Variants in MDGA2 observed in about 807,000 individuals in gnomAD.
MDGA2 encodes MAM domain-containing glycosylphosphatidylinositol anchor protein 2.
In MDGA2, 40 loss-of-function variants were observed where a neutral mutation model predicts 117.8. The ratio of observed to expected loss-of-function variants is 0.34; its 90% CI spans 0.26 to 0.44. MDGA2 has a LOEUF of 0.44. Ranked by LOEUF, MDGA2 falls within the 20% of genes least tolerant of loss-of-function variation. The probability of loss-of-function intolerance (pLI) is 1.00; values close to 1 mark genes in which losing one functional copy is unlikely to be tolerated. For synonymous variants in MDGA2, 452 were observed against 439.0 expected, an observed-to-expected ratio of 1.03 and a Z score of -0.37; for missense variants, 1,123 against 1,250.6, an observed-to-expected ratio of 0.90 and a Z score of 1.54.
chr14:47,511,393 C>T (rs913638850), intron 1 of MDGA2, among the ~76,000 whole-genome samples: 1 of 152,062 alleles, frequency 6.6e-6, no homozygotes. Flanking sequence ...GATGTGGAAA[C>T]AGCTAACACA....
chr14:47,071,328 TAATA>T (rs1000693513), intron 6 of MDGA2, among the ~76,000 whole-genome samples: 2 of 152,154 alleles, frequency 1.3e-5, no homozygotes, highest in African/African-American at 4.8e-5. Flanking sequence ...GAGTTTCTGA[TAATA>T]AACCACAAAA....
At chr14:47,083,831 A>T (rs1336299100) in intron 6 of MDGA2, among the ~76,000 whole-genome samples, 2 of 152,062 alleles carry the variant, frequency 1.3e-5, no homozygotes, top group East Asian at 1.9e-4. Context: ...TCAGAGAGGG[A>T]CATATACAAT....
rs75412684 is a variant in MDGA2, at chr14:46,960,524, T to C, written c.1820-2881A>G. ...ACACCATACACACGAAATAGTGCTA[T>C]GTTTTCCTAAGGAGATCCAAGACTT... On this transcript the variant is annotated intron_variant, in intron 8 of 16. Transcript: ENST00000399232. 2.6e-4 allele frequency: 39 copies of C among 152,204 alleles called. No individual in the cohort carries two copies. The East Asian group carries it at 7.6e-3, about 29-fold the overall frequency. The allele number at this position is 152,204 out of a possible 1,614,324, so 9.4% of individuals were successfully genotyped here.
At chr14:47,438,494 T>G (rs983094020) in intron 1 of MDGA2, among the ~76,000 whole-genome samples, 1 of 152,156 alleles carries the variant, frequency 6.6e-6, no homozygotes, top group Non-Finnish European at 1.5e-5. Flanking sequence ...ATTTTTCAAA[T>G]AATTTCAAAT....
rs200603748 is a variant in MDGA2, at chr14:47,318,574, AAGTC to A, written c.281-17028_281-17025del. Reference sequence around the variant, plus strand: ...TTTACACACATATCTGTGATTGTTAAAGTCAGTCAGTCACCTTCTGTTAAAAATA... The same window carrying A: ...TTTACACACATATCTGTGATTGTTAAAGTCAGTCACCTTCTGTTAAAAATA... On this transcript the variant is annotated intron_variant, in intron 1 of 16. Transcript: ENST00000399232. Among the ~76,000 whole-genome samples the A allele has an allele frequency of 4.2e-3, 645 of 152,264 alleles. 3 individuals carry two copies. Among genetic ancestry groups the A allele is most frequent in the African/African-American group, 0.015 (619 of 41,560 alleles).
At chr14:47,008,744 T>C (rs1306131436) in intron 8 of MDGA2, among the ~76,000 whole-genome samples, 1 of 151,950 alleles carries the variant, frequency 6.6e-6, no homozygotes, top group African/African-American at 2.4e-5. Context: ...TGGAGGGGTT[T>C]TTAAAAATTA....
At chr14:47,482,545 G>C (rs1304396787) in intron 1 of MDGA2, among the ~76,000 whole-genome samples, 1 of 152,058 alleles carries the variant, frequency 6.6e-6, no homozygotes, top group African/African-American at 2.4e-5. Context: ...GAAAAATGCA[G>C]ATGTATCTAA....
intron 1 of MDGA2, among the ~76,000 whole-genome samples, chr14:47,472,087 T>A: frequency 6.6e-6 from 1 of 152,112 alleles, no homozygotes; most frequent in African/African-American, 2.4e-5. Context: ...AAACTAATGA[T>A]AATCCAGAAA....
At chr14:47,469,343 C>T (rs1893670421) in intron 1 of MDGA2, among the ~76,000 whole-genome samples, 1 of 152,046 alleles carries the variant, frequency 6.6e-6, no homozygotes, top group Non-Finnish European at 1.5e-5. Context: ...GTGTGAGTTC[C>T]CCTTCCTGTG....
intron 5 of MDGA2, among the ~76,000 whole-genome samples, chr14:47,099,648 AGTT>A (rs1880185272): frequency 6.6e-6 from 1 of 151,914 alleles, no homozygotes; most frequent in Admixed American, 6.6e-5. Flanking sequence ...ATAATGTGAT[AGTT>A]AAGTGGTAAG....
At chr14:47,359,785 GA>G (rs1891076810) in intron 1 of MDGA2, among the ~76,000 whole-genome samples, 1 of 146,920 alleles carries the variant, frequency 6.8e-6, no homozygotes, top group African/African-American at 2.5e-5. Flanking sequence ...AAAAAAACAT[GA>G]TGAAAGAAAA....
intron 3 of MDGA2, among the ~76,000 whole-genome samples, chr14:47,195,060 CAT>C (rs1885240803): frequency 6.6e-6 from 1 of 151,998 alleles, no homozygotes; most frequent in Non-Finnish European, 1.5e-5. Context: ...GTACAATTCT[CAT>C]ATTTTGGCAT....
chr14:47,567,695 C>T (rs1299078150), intron 1 of MDGA2, among the ~76,000 whole-genome samples: 1 of 152,194 alleles, frequency 6.6e-6, no homozygotes, highest in African/African-American at 2.4e-5. Context: ...ATTCCACTTC[C>T]CTAACACCCC....
At chr14:47,147,667 G>A (rs551603444) in intron 3 of MDGA2, among the ~76,000 whole-genome samples, 1 of 152,178 alleles carries the variant, frequency 6.6e-6, no homozygotes, top group Non-Finnish European at 1.5e-5. Context: ...GAGTGCTTCA[G>A]TTCTGGGGAA....
chr14:47,106,614 G>A (rs955031518), intron 5 of MDGA2, among the ~76,000 whole-genome samples: 5 of 152,030 alleles, frequency 3.3e-5, no homozygotes, highest in South Asian at 2.1e-4. Flanking sequence ...AAGGCTCTCT[G>A]ACTGACTCCT....
At chr14:47,673,577 C>A (rs1370179475) in intron 1 of MDGA2, among the ~76,000 whole-genome samples, 1 of 151,540 alleles carries the variant, frequency 6.6e-6, no homozygotes, top group Admixed American at 6.6e-5. Flanking sequence ...TTGGGCACCA[C>A]CTGCTTGTCC....
At chr14:46,876,485 A>G (rs939824537) in intron 12 of MDGA2, among the ~76,000 whole-genome samples, 4 of 151,684 alleles carry the variant, frequency 2.6e-5, no homozygotes, top group African/African-American at 9.7e-5. Flanking sequence ...TAAGTAATAA[A>G]GTCCAGGATT....
At chr14:46,842,100 A>G in intron 16 of MDGA2, 81 bp from the exon 17 acceptor site, 1 of 790,470 alleles carries the variant, frequency 1.3e-6, no homozygotes, top group Non-Finnish European at 2.1e-6. Context: ...ACCTTGGTGA[A>G]TAATAAAACA....
At chr14:47,335,676 G>A (rs1046656934) in intron 1 of MDGA2, among the ~76,000 whole-genome samples, 1 of 143,566 alleles carries the variant, frequency 7.0e-6, no homozygotes, top group Non-Finnish European at 1.5e-5. Flanking sequence ...GTGTACAGAT[G>A]TATGTATTTG....
Sources: allele counts gnomAD v4.1 joint callset (sites outside exome capture counted in the v4.1 genomes callset), GRCh38; gene constraint gnomAD v4.1.1; transcripts MANE v1.5; gene names NCBI Gene and HGNC (gene_info 2026-07-23, HGNC 2026-07-21).